The following GSE1 variants were observed in gnomAD, a reference collection of about 807,000 sequenced individuals.
The protein encoded by GSE1 is genetic suppressor element 1.
A neutral mutation model predicts 112.6 loss-of-function variants in GSE1; 32 were observed. That is an observed-to-expected ratio of 0.28 (90% CI 0.21 to 0.38). GSE1 has a LOEUF of 0.38. Ranked by LOEUF, GSE1 falls within the 10% of genes least tolerant of loss-of-function variation. GSE1 has a pLI of 1.00. For synonymous variants in GSE1, 1,115 were observed against 735.6 expected, an observed-to-expected ratio of 1.52 and a Z score of -8.35; for missense variants, 2,348 against 1,699.2, an observed-to-expected ratio of 1.38 and a Z score of -6.71.
At chr16:85,215,453 T>C (rs2075292697) in intron 1 of GSE1, among the ~76,000 whole-genome samples, 1 of 152,164 alleles carries the variant, frequency 6.6e-6, no homozygotes, top group Non-Finnish European at 1.5e-5. Flanking sequence ...TTAGATACAG[T>C]GTACGCTACC....
At chr16:85,517,089 G>A (rs985124565) in intron 2 of GSE1, among the ~76,000 whole-genome samples, 3 of 152,192 alleles carry the variant, frequency 2.0e-5, no homozygotes, top group East Asian at 1.9e-4. Flanking sequence ...GAGCCACCGC[G>A]CCCGGCCATG....
chr16:85,528,281 G>A (rs547967159), intron 2 of GSE1, among the ~76,000 whole-genome samples: 3 of 152,252 alleles, frequency 2.0e-5, no homozygotes, highest in Admixed American at 6.5e-5. Context: ...AGTAAGGATT[G>A]GGGGAGCAGG....
At chr16:85,294,625 CTCTCT>C (rs2045312738) in intron 1 of GSE1, among the ~76,000 whole-genome samples, 1 of 67,316 alleles carries the variant, frequency 1.5e-5, no homozygotes, top group Non-Finnish European at 3.2e-5. Context: ...CACTCTCTCT[CTCTCT>C]CTCTCTCTCT....
rs544130966 is a variant in GSE1, at chr16:85,313,063, C to G, written c.2284-44400C>G. On this transcript the variant is annotated intron_variant, in intron 1 of 2. Coordinates refer to the GSE1 transcript ENST00000637419. ...CGGCTGATACTCGCCAAGGCCCCAG[C>G]TCTGACACTCCAGTGCACACTCAGC... Among the ~76,000 whole-genome samples the G allele has an allele frequency of 1.2e-4, 18 of 152,188 alleles. No individual in the cohort carries two copies. In the South Asian group the frequency reaches 3.7e-3, roughly 32 times the overall value.
chr16:85,497,125 C>G (rs1164100657), intron 2 of GSE1, among the ~76,000 whole-genome samples: 1 of 152,218 alleles, frequency 6.6e-6, no homozygotes, highest in African/African-American at 2.4e-5. Flanking sequence ...TCTTGAACTC[C>G]TGACCTCAGG....
chr16:85,367,863 T>TTC (rs2047216606), intron 2 of GSE1, among the ~76,000 whole-genome samples: 3 of 151,156 alleles, frequency 2.0e-5, no homozygotes, highest in Admixed American at 2.0e-4. Context: ...TTTTTTTTTT[T>TTC]TCCGAGATGG....
intron 1 of GSE1, among the ~76,000 whole-genome samples, chr16:85,252,598 CT>C (rs1404635975): frequency 1.3e-5 from 2 of 152,232 alleles, no homozygotes; most frequent in African/African-American, 4.8e-5. Context: ...GAAGATCCTC[CT>C]TCGGGGGTTT....
chr16:85,454,270 G>A (rs955329440), intron 2 of GSE1, among the ~76,000 whole-genome samples: 8 of 152,210 alleles, frequency 5.3e-5, no homozygotes, highest in African/African-American at 1.4e-4. Context: ...CATACCCTCC[G>A]AGCTTCTCCG....
At chr16:85,263,196 C>T (rs1386039336) in intron 1 of GSE1, among the ~76,000 whole-genome samples, 4 of 152,104 alleles carry the variant, frequency 2.6e-5, no homozygotes, top group African/African-American at 9.7e-5. Flanking sequence ...GAATAGGCCT[C>T]CCTGAGATCA....
chr16:85,573,116 G>A (rs369714135), intron 1 of GSE1, among the ~76,000 whole-genome samples: 157 of 152,230 alleles, frequency 1.0e-3, no homozygotes, highest in East Asian at 7.5e-3. Context: ...CGCCCGCCTC[G>A]GCCTCACAAA....
At chr16:85,656,039 C>T (rs2051897956) in intron 6 of GSE1, 122 bp downstream of exon 6, 1 of 788,616 alleles carries the variant, frequency 1.3e-6, no homozygotes, top group Non-Finnish European at 2.0e-6. Context: ...ACAGTTTGTC[C>T]ACCTGCCAAA....
intron 2 of GSE1, among the ~76,000 whole-genome samples, chr16:85,642,112 C>G (rs1192599833): frequency 6.6e-6 from 1 of 152,244 alleles, no homozygotes; most frequent in Non-Finnish European, 1.5e-5. Context: ...ACGTGGCACA[C>G]TGAGTCTCCT....
intron 2 of GSE1, among the ~76,000 whole-genome samples, chr16:85,466,489 C>T (rs2151835360): frequency 6.6e-6 from 1 of 152,288 alleles, no homozygotes; most frequent in East Asian, 1.9e-4. Flanking sequence ...GGCAGCTGAG[C>T]TCGTCGGTCC....
chr16:85,385,149 T>C (rs2047659608), intron 2 of GSE1, among the ~76,000 whole-genome samples: 1 of 152,230 alleles, frequency 6.6e-6, no homozygotes. Context: ...CCGAGCCACA[T>C]GGGGCTTGGG....
chr16:85,313,918 CTGTGTGTGTGTG>C (rs10676246), intron 1 of GSE1, among the ~76,000 whole-genome samples: 2 of 149,178 alleles, frequency 1.3e-5, no homozygotes, highest in South Asian at 2.1e-4. Context: ...GTCTGAGCCT[CTGTGTGTGTGTG>C]TGTGTGTGTG....
At chr16:85,557,321 G>A (rs1330555948) in intron 1 of GSE1, among the ~76,000 whole-genome samples, 1 of 152,100 alleles carries the variant, frequency 6.6e-6, no homozygotes, top group Non-Finnish European at 1.5e-5. Flanking sequence ...CTGGTTCTAG[G>A]AATGAGCTGA....
Position 85,668,243 on chromosome 16 carries a change from G to C in GSE1, c.3234G>C (p.Gln1078His). 2 of 1,611,434 alleles carry C rather than the reference G, an allele frequency of 1.2e-6. No homozygotes were observed. The highest frequency in any genetic ancestry group is 2.2e-5 in the South Asian group (2 of 91,028). The change falls in exon 14 of 16, where the codon CAG becomes CAC. Residue 1078 changes from glutamine to histidine, a missense_variant. Physicochemically the swap from Gln to His is conservative, Grantham distance 24 (BLOSUM62 0). Transcript: ENST00000253458. ...LQSSSRAPPP[Q>H]HNGQQEPPTA... The stretch of plus-strand genomic sequence containing the variant: ...CCTCCAGCCGCGCCCCTCCACCCCA[G>C]CACAATGGGCAGCAGGAGCCCCCCA...
intron 1 of GSE1, among the ~76,000 whole-genome samples, chr16:85,615,790 A>G (rs1355351521): frequency 6.6e-6 from 1 of 152,218 alleles, no homozygotes; most frequent in African/African-American, 2.4e-5. Context: ...GCTGCTGGCC[A>G]GGCCTTTCCA....
chr16:85,170,257 G>T (rs1284521832), exon 1 of GSE1: 1 of 985,540 alleles, frequency 1.0e-6, no homozygotes, highest in Non-Finnish European at 1.2e-6. Flanking sequence ...GGCCCACGCG[G>T]ATGGGGAGCC....
Sources: allele counts gnomAD v4.1 joint callset (sites outside exome capture counted in the v4.1 genomes callset), GRCh38; gene constraint gnomAD v4.1.1; transcripts MANE v1.5; gene names NCBI Gene and HGNC (gene_info 2026-07-23, HGNC 2026-07-21).